The following RNGTT variants were observed in gnomAD, a reference collection of about 807,000 sequenced individuals.
The protein encoded by RNGTT is mRNA-capping enzyme.
RNGTT carries 33 observed loss-of-function variants against 79.3 expected under a neutral mutation model. That is an observed-to-expected ratio of 0.42 (90% confidence interval 0.32 to 0.56). RNGTT has a LOEUF of 0.56. RNGTT is among the 20% of genes least tolerant of loss of function. The probability of loss-of-function intolerance (pLI) is 0.17; values close to 1 mark genes in which losing one functional copy is unlikely to be tolerated. For synonymous variants in RNGTT, 222 were observed against 235.9 expected (o/e 0.94, Z 0.54); for missense variants, 497 against 739.1 (o/e 0.67, Z 3.80).
At chr6:88,913,436 T>A (rs1783901330) in intron 4 of RNGTT, among the ~76,000 whole-genome samples, 1 of 152,016 alleles carries the variant, frequency 6.6e-6, no homozygotes, top group South Asian at 2.1e-4. Flanking sequence ...ATATCCCTGA[T>A]AAACATAGAC....
rs921058948 is a variant in RNGTT, at chr6:88,808,662, C to T, written c.1270-7030G>A. ...GCTGGATGTATGTCTGTAATGCCAG[C>T]ACTTTGAGGGGCAGAAGCAGGCAGA... is the stretch of plus-strand genomic sequence containing the variant. On this transcript the variant is annotated intron_variant, in intron 11 of 15. Transcript: ENST00000369485. 3.9e-5 allele frequency among the ~76,000 whole-genome samples: 6 copies of T among 152,074 alleles called. No individual in the cohort carries two copies. The South Asian group carries it at 1.2e-3, about 32-fold the overall frequency.
At chr6:88,672,152 TAATC>T (rs1242638399) in intron 14 of RNGTT, among the ~76,000 whole-genome samples, 1 of 150,922 alleles carries the variant, frequency 6.6e-6, no homozygotes, top group Non-Finnish European at 1.5e-5. Flanking sequence ...ACAAAAGAAA[TAATC>T]AACAGAATTA....
intron 14 of RNGTT, among the ~76,000 whole-genome samples, chr6:88,647,815 A>G (rs1241357086): frequency 2.0e-5 from 3 of 151,656 alleles, no homozygotes; most frequent in South Asian, 4.2e-4. Flanking sequence ...AATCTGTTCT[A>G]TTTTTCCTGA....
intron 13 of RNGTT, among the ~76,000 whole-genome samples, chr6:88,760,600 TATA>T (rs1426848939): frequency 6.6e-6 from 1 of 152,196 alleles, no homozygotes; most frequent in Non-Finnish European, 1.5e-5. Context: ...TTAAGCATAC[TATA>T]ATAATAGTGA....
chr6:88,663,996 T>C (rs1313253888), intron 14 of RNGTT, among the ~76,000 whole-genome samples: 1 of 152,214 alleles, frequency 6.6e-6, no homozygotes, highest in Non-Finnish European at 1.5e-5. Flanking sequence ...GTTGCTCATG[T>C]ACCTCTTTAA....
intron 14 of RNGTT, among the ~76,000 whole-genome samples, chr6:88,626,213 C>T (rs964209): frequency 0.03 from 4,544 of 151,956 alleles, 220 homozygotes; most frequent in African/African-American, 0.1. Flanking sequence ...CAGTGAGATA[C>T]GCAGATGTAG....
chr6:88,955,232 T>C (rs536017400), intron 1 of RNGTT, among the ~76,000 whole-genome samples: 1 of 151,680 alleles, frequency 6.6e-6, no homozygotes, highest in Admixed American at 6.6e-5. Flanking sequence ...GCAAAAGCAG[T>C]GCTAAGAGGA....
chr6:88,715,778 A>G (rs1331067964), intron 13 of RNGTT, among the ~76,000 whole-genome samples: 2 of 152,152 alleles, frequency 1.3e-5, no homozygotes, highest in Non-Finnish European at 2.9e-5. Context: ...AAAAGCTGAA[A>G]CTGGATCCCT....
chr6:88,735,423 T>C (rs1369658583), intron 13 of RNGTT, among the ~76,000 whole-genome samples: 6 of 151,998 alleles, frequency 3.9e-5, no homozygotes, highest in African/African-American at 1.4e-4. Flanking sequence ...ACAGACACAT[T>C]CTGGGCCACA....
intron 13 of RNGTT, among the ~76,000 whole-genome samples, chr6:88,707,773 CCA>C (rs1776184826): frequency 6.7e-6 from 1 of 148,948 alleles, no homozygotes; most frequent in Non-Finnish European, 1.5e-5. Context: ...CATTCTGAGA[CCA>C]CTTTTTCCTA....
At chr6:88,939,267 A>G (rs1784770684) in intron 2 of RNGTT, among the ~76,000 whole-genome samples, 2 of 152,150 alleles carry the variant, frequency 1.3e-5, no homozygotes, top group South Asian at 4.1e-4. Flanking sequence ...CTGGTGTCCT[A>G]TATCTCAAGA....
At chr6:88,819,741 T>C (rs941098529) in intron 11 of RNGTT, among the ~76,000 whole-genome samples, 2 of 152,120 alleles carry the variant, frequency 1.3e-5, no homozygotes, top group African/African-American at 2.4e-5. Flanking sequence ...TCTTCCACTC[T>C]ACCTCATTAA....
At chr6:88,856,086 GAACGTC>G (rs1410500895) in intron 8 of RNGTT, among the ~76,000 whole-genome samples, 2 of 152,090 alleles carry the variant, frequency 1.3e-5, no homozygotes, top group Non-Finnish European at 2.9e-5. Flanking sequence ...CTTTCTCTTA[GAACGTC>G]AAGATATATA....
chr6:88,890,823 G>A (rs1204417772), intron 7 of RNGTT, among the ~76,000 whole-genome samples: 1 of 152,096 alleles, frequency 6.6e-6, no homozygotes, highest in Non-Finnish European at 1.5e-5. Context: ...CACTGCTATG[G>A]TATAATCACT....
Position 88,650,361 on chromosome 6 carries a change from T to C in RNGTT, c.1506+27992A>G, listed in dbSNP as rs573480983. 7.2e-5 allele frequency among the ~76,000 whole-genome samples: 11 copies of C among 152,324 alleles called. No homozygotes were observed. The East Asian group carries it at 2.1e-3, about 29-fold the overall frequency. On this transcript the variant is annotated intron_variant, in intron 14 of 15. Transcript: ENST00000369485. ...ACATCACCCAATTAACCATGTGCTA[T>C]GCAACCAACCTACTCATTCCGAAAC...
At chr6:88,836,312 TA>T (rs1488708939) in intron 11 of RNGTT, among the ~76,000 whole-genome samples, 1 of 151,716 alleles carries the variant, frequency 6.6e-6, no homozygotes, top group Admixed American at 6.6e-5. Flanking sequence ...CATGTCACTA[TA>T]ATAAAAATTT....
chr6:88,635,267 G>A (rs1359043214), intron 14 of RNGTT, among the ~76,000 whole-genome samples: 1 of 151,986 alleles, frequency 6.6e-6, no homozygotes, highest in African/African-American at 2.4e-5. Flanking sequence ...GTTTATGTGT[G>A]TTCACACATA....
chr6:88,905,020 T>C, intron 5 of RNGTT, 65 bp from the exon 6 acceptor site: 1 of 1,557,828 alleles, frequency 6.4e-7, no homozygotes, highest in Non-Finnish European at 8.7e-7. Flanking sequence ...TATCAAAAAC[T>C]CACTTATTAT....
At chr6:88,761,063 G>A (rs1778216743) in intron 13 of RNGTT, among the ~76,000 whole-genome samples, 1 of 145,108 alleles carries the variant, frequency 6.9e-6, no homozygotes, top group Non-Finnish European at 1.5e-5. Flanking sequence ...ATACACTCTA[G>A]TCAGCAGAGT....
Sources: allele counts gnomAD v4.1 joint callset (sites outside exome capture counted in the v4.1 genomes callset), GRCh38; gene constraint gnomAD v4.1.1; transcripts MANE v1.5; gene names NCBI Gene and HGNC (gene_info 2026-07-23, HGNC 2026-07-21).